The following DACH2 variants were observed in gnomAD, a reference collection of about 807,000 sequenced individuals.
DACH2 encodes dachshund family transcription factor 2, also known as dachshund homolog 2.
In DACH2, 17 loss-of-function variants were observed where a neutral mutation model predicts 35.8. That is an observed-to-expected ratio of 0.48 (90% CI 0.33 to 0.71). The LOEUF is 0.71. Among genes scored for constraint, DACH2 ranks in the 30% least tolerant of loss-of-function variants. The pLI is 0.02. For synonymous variants in DACH2, 195 were observed against 177.3 expected (o/e 1.10, Z -0.79); for missense variants, 469 against 472.7 (o/e 0.99, Z 0.07).
chrX:86,245,023 G>A (rs2033248549), intron 1 of DACH2, among the ~76,000 whole-genome samples: 1 of 111,590 alleles, frequency 9.0e-6, no homozygotes, highest in Non-Finnish European at 1.9e-5. Context: ...TCTGGTAAAG[G>A]ACTTAAGGCA....
At chrX:86,779,973 T>A (rs2042074041) in intron 7 of DACH2, among the ~76,000 whole-genome samples, 1 of 110,343 alleles carries the variant, frequency 9.1e-6, no homozygotes, top group African/African-American at 3.3e-5. Flanking sequence ...TCCTCCCAAG[T>A]GCAGCAGTTT....
chrX:86,709,976 T>C (rs781533925), intron 5 of DACH2, among the ~76,000 whole-genome samples: 45 of 111,745 alleles, frequency 4.0e-4, no homozygotes, highest in African/African-American at 1.4e-3. Flanking sequence ...TTGGAAGACA[T>C]TTTGGGCATT....
At chrX:86,634,512 G>C (rs1374797618) in intron 3 of DACH2, among the ~76,000 whole-genome samples, 1 of 110,542 alleles carries the variant, frequency 9.0e-6, no homozygotes, top group Non-Finnish European at 1.9e-5. Flanking sequence ...AGTCAAATTG[G>C]TCCACTTTGA....
At chrX:86,706,758 A>G (rs1201718180) in intron 5 of DACH2, among the ~76,000 whole-genome samples, 1 of 110,504 alleles carries the variant, frequency 9.0e-6, no homozygotes, top group Non-Finnish European at 1.9e-5. Context: ...AAGTCAAAAA[A>G]GAACCCCCAA....
chrX:86,244,918 A>G (rs972393683), intron 1 of DACH2, among the ~76,000 whole-genome samples: 1 of 111,851 alleles, frequency 8.9e-6, no homozygotes, highest in African/African-American at 3.3e-5. Flanking sequence ...GAAATAAGTA[A>G]AAACAAACTA....
chrX:86,417,012 T>A (rs1464636145), intron 2 of DACH2, among the ~76,000 whole-genome samples: 1 of 96,611 alleles, frequency 1.0e-5, no homozygotes, highest in Non-Finnish European at 2.0e-5. Context: ...GAGAATCCCT[T>A]GAACCTGGGA....
At chrX:86,514,456 A>G in intron 3 of DACH2, 65 bp downstream of exon 3, 1 of 967,888 alleles carries the variant, frequency 1.0e-6, no homozygotes, top group Non-Finnish European at 1.4e-6. Flanking sequence ...AAATAAACCA[A>G]TATTGATCTA....
Position 86,439,256 on chromosome X carries a change from T to C in DACH2, c.527+62394T>C, listed in dbSNP as rs2037120074. ...TTAATGAAATCATTATTATTACTTT[T>C]TTACTATCGAGTTGTTTGAGTTCCT... On this transcript the variant is annotated intron_variant, in intron 2 of 11. Transcript: ENST00000373125. 4.5e-5 allele frequency among the ~76,000 whole-genome samples: 5 copies of C among 112,116 alleles called. No homozygotes were observed. The South Asian group carries it at 1.8e-3, about 41-fold the overall frequency.
At position 86,714,555 on chromosome X, in the gene DACH2, T is replaced by C. The variant is rs1200069773; in HGVS notation, c.939T>C (p.Asp313=). Reference sequence around the variant, plus strand: ...ATGCACTGTCTCTTTTAGGACTGGATCTGCCATTTATGATGATGCCTCATC... The same window carrying C: ...ATGCACTGTCTCTTTTAGGACTGGACCTGCCATTTATGATGATGCCTCATC... ...QQNHLLTNRL[D]LPFMMMPHPL... Residue 313 remains aspartate, a synonymous_variant, in exon 6 of 12, where the codon GAT becomes GAC. Transcript: ENST00000373125. The C allele has an allele frequency of 1.2e-5, 14 of 1,201,296 alleles. No homozygotes were observed. Among genetic ancestry groups the C allele is most frequent in the Non-Finnish European group, 1.5e-5 (13 of 888,076 alleles).
intron 1 of DACH2, among the ~76,000 whole-genome samples, chrX:86,235,550 G>A (rs2033040548): frequency 1.8e-5 from 2 of 112,234 alleles, no homozygotes; most frequent in Admixed American, 9.5e-5. Flanking sequence ...AATACAAAAT[G>A]TTCCATTGGC....
At chrX:86,776,922 G>T (rs918425783) in intron 7 of DACH2, among the ~76,000 whole-genome samples, 7 of 111,841 alleles carry the variant, frequency 6.3e-5, no homozygotes, top group African/African-American at 2.3e-4. Flanking sequence ...TGAACTCATT[G>T]TTTTTTATGG....
chrX:86,206,634 C>T (rs2032319403), intron 1 of DACH2, among the ~76,000 whole-genome samples: 1 of 112,309 alleles, frequency 8.9e-6, no homozygotes, highest in Non-Finnish European at 1.9e-5. Context: ...CCTGAATTTA[C>T]AAATATGTAG....
intron 1 of DACH2, among the ~76,000 whole-genome samples, chrX:86,345,718 G>A (rs2035485000): frequency 9.0e-6 from 1 of 111,595 alleles, no homozygotes. Context: ...GGCAAGGCTG[G>A]ATTTATGCAT....
chrX:86,470,063 G>A (rs1460543832), intron 2 of DACH2, among the ~76,000 whole-genome samples: 1 of 95,782 alleles, frequency 1.0e-5, no homozygotes. Context: ...CTGTGGCACT[G>A]TTAATCTTAT....
At chrX:86,161,012 C>T (rs1278510987) in intron 1 of DACH2, 29 of 949,284 alleles carry the variant, frequency 3.1e-5, no homozygotes, top group Non-Finnish European at 3.8e-5. Flanking sequence ...AGGTGACTTT[C>T]CATCCCTTGA....
At chrX:86,541,016 C>T (rs772959380) in intron 3 of DACH2, among the ~76,000 whole-genome samples, 34 of 111,436 alleles carry the variant, frequency 3.1e-4, no homozygotes, top group Non-Finnish European at 5.3e-4. Context: ...CAAATGCTTA[C>T]CTGTGAAAAA....
At chrX:86,475,397 A>G (rs1358927798) in intron 2 of DACH2, among the ~76,000 whole-genome samples, 6 of 111,414 alleles carry the variant, frequency 5.4e-5, no homozygotes, top group African/African-American at 2.0e-4. Context: ...TCATTATAGA[A>G]ATCCTTCACT....
At chrX:86,367,023 A>T (rs912166849) in intron 1 of DACH2, among the ~76,000 whole-genome samples, 1 of 111,074 alleles carries the variant, frequency 9.0e-6, no homozygotes, top group African/African-American at 3.3e-5. Context: ...TTTTTTAAAG[A>T]TGCAGCATTT....
intron 7 of DACH2, among the ~76,000 whole-genome samples, chrX:86,771,470 G>C (rs1468482657): frequency 8.9e-6 from 1 of 112,188 alleles, no homozygotes; most frequent in South Asian, 3.7e-4. Context: ...TGTTTGCTTT[G>C]AAAGATGAGT....
Sources: gnomAD v4.1 joint callset for allele counts (sites outside exome capture counted in the v4.1 genomes callset) on GRCh38, gnomAD v4.1.1 for gene constraint, MANE v1.5 for transcripts, NCBI Gene and HGNC (gene_info 2026-07-23, HGNC 2026-07-21) for gene names.